TOX: variants seen among roughly 807,000 people sequenced by gnomAD.
The protein encoded by TOX is thymocyte selection associated high mobility group box.
A neutral mutation model predicts 53.7 loss-of-function variants in TOX; 11 were observed. That is an observed-to-expected ratio of 0.20 (90% CI 0.13 to 0.34). The LOEUF is 0.34. Ranked by LOEUF, TOX falls within the 10% of genes least tolerant of loss-of-function variation. TOX has a pLI of 1.00. For synonymous variants in TOX, 225 were observed against 245.3 expected, an observed-to-expected ratio of 0.92 and a Z score of 0.77; for missense variants, 570 against 664.6, an observed-to-expected ratio of 0.86 and a Z score of 1.56.
At chr8:58,956,238 A>C (rs946813126) in intron 2 of TOX, among the ~76,000 whole-genome samples, 2 of 152,216 alleles carry the variant, frequency 1.3e-5, no homozygotes, top group Non-Finnish European at 2.9e-5. Context: ...GGACTATGAA[A>C]GGTACTACAA....
chr8:58,990,543 G>A (rs1349295782), intron 1 of TOX, among the ~76,000 whole-genome samples: 1 of 151,968 alleles, frequency 6.6e-6, no homozygotes, highest in Non-Finnish European at 1.5e-5. Context: ...TCCCAACAAG[G>A]TTTCCTCTAC....
intron 1 of TOX, among the ~76,000 whole-genome samples, chr8:59,045,839 A>G (rs1042394516): frequency 1.3e-5 from 2 of 152,218 alleles, no homozygotes; most frequent in Non-Finnish European, 2.9e-5. Flanking sequence ...AGTACCTGTG[A>G]TTATCATGGA....
At chr8:58,994,441 T>A (rs1585949433) in intron 1 of TOX, among the ~76,000 whole-genome samples, 1 of 144,908 alleles carries the variant, frequency 6.9e-6, no homozygotes, top group African/African-American at 2.5e-5. Context: ...TGTGTGTGTA[T>A]TTTTTTTTTT....
intron 1 of TOX, among the ~76,000 whole-genome samples, chr8:58,986,911 T>C (rs1354647709): frequency 6.6e-6 from 1 of 152,246 alleles, no homozygotes; most frequent in South Asian, 2.1e-4. Flanking sequence ...GCTTCTGTCC[T>C]GTCTCATCCT....
At chr8:59,001,510 G>A (rs1404392945) in intron 1 of TOX, among the ~76,000 whole-genome samples, 5 of 152,152 alleles carry the variant, frequency 3.3e-5, no homozygotes, top group Admixed American at 2.6e-4. Flanking sequence ...TGAGAAGACT[G>A]AGGATAATTG....
At chr8:58,910,781 G>T (rs1191417890) in intron 3 of TOX, among the ~76,000 whole-genome samples, 1 of 152,106 alleles carries the variant, frequency 6.6e-6, no homozygotes, top group Non-Finnish European at 1.5e-5. Flanking sequence ...AGACTTATTT[G>T]TATTCCTCTA....
intron 1 of TOX, among the ~76,000 whole-genome samples, chr8:59,064,550 T>G (rs138197188): frequency 2.6e-5 from 4 of 152,246 alleles, no homozygotes; most frequent in Admixed American, 6.5e-5. Context: ...TCTAGAAATC[T>G]ATTAATGTAG....
intron 1 of TOX, among the ~76,000 whole-genome samples, chr8:59,010,864 A>G (rs191926631): frequency 6.6e-6 from 1 of 152,318 alleles, no homozygotes; most frequent in African/African-American, 2.4e-5. Context: ...ATCATTATGT[A>G]TGTCACCTCC....
At position 59,080,342 on chromosome 8, in the gene TOX, G is replaced by GC. The variant is rs544706715; in HGVS notation, c.102+38543dup. 2.4e-3 allele frequency among the ~76,000 whole-genome samples: 360 copies of GC among 152,082 alleles called. 1 individual carries two copies. The highest frequency in any genetic ancestry group is 8.0e-3 in the African/African-American group (332 of 41,480). On this transcript the variant is annotated intron_variant, in intron 1 of 8. Transcript: ENST00000361421. ...ATGGGAATATTTACCCAATGTCTGT[G>GC]CCCCATTGTGTCTTGGAAGTAACTA...
chr8:58,922,884 A>G (rs1812095719), intron 3 of TOX, among the ~76,000 whole-genome samples: 1 of 152,186 alleles, frequency 6.6e-6, no homozygotes, highest in South Asian at 2.1e-4. Context: ...TTACGGCTAG[A>G]GTTTCCGAGC....
intron 1 of TOX, among the ~76,000 whole-genome samples, chr8:59,100,083 T>C (rs181394647): frequency 7.9e-5 from 12 of 152,078 alleles, no homozygotes; most frequent in South Asian, 2.1e-4. Flanking sequence ...AGCTTCTGAG[T>C]GAATTATTTG....
chr8:59,071,946 T>G (rs1480915756), intron 1 of TOX, among the ~76,000 whole-genome samples: 1 of 152,228 alleles, frequency 6.6e-6, no homozygotes, highest in Non-Finnish European at 1.5e-5. Flanking sequence ...AATATTCTCA[T>G]AATTTTATCA....
chr8:59,088,075 TA>T (rs1032131712), intron 1 of TOX, among the ~76,000 whole-genome samples: 32 of 152,128 alleles, frequency 2.1e-4, no homozygotes, highest in Non-Finnish European at 4.6e-4. Context: ...TTTATTATAT[TA>T]AAAAAACACA....
chr8:58,998,403 C>T (rs1336026603), intron 1 of TOX, among the ~76,000 whole-genome samples: 1 of 148,576 alleles, frequency 6.7e-6, no homozygotes, highest in African/African-American at 2.5e-5. Context: ...ACAGGAAAAT[C>T]GCTTGCAACC....
intron 7 of TOX, among the ~76,000 whole-genome samples, chr8:58,812,520 C>T (rs1411570283): frequency 6.6e-6 from 1 of 152,202 alleles, no homozygotes; most frequent in East Asian, 1.9e-4. Context: ...GCTTCCTCTT[C>T]TCATCCTTCA....
chr8:59,036,625 A>G (rs1814463763), intron 1 of TOX, among the ~76,000 whole-genome samples: 1 of 152,220 alleles, frequency 6.6e-6, no homozygotes, highest in South Asian at 2.1e-4. Context: ...TGAAAATACC[A>G]TCAATCAATC....
intron 1 of TOX, among the ~76,000 whole-genome samples, chr8:58,996,751 A>C (rs1026713181): frequency 1.3e-5 from 2 of 152,202 alleles, no homozygotes; most frequent in African/African-American, 4.8e-5. Context: ...CCATTAGAAA[A>C]CTATTCTTCA....
intron 6 of TOX, among the ~76,000 whole-genome samples, chr8:58,822,329 C>A (rs1222153893): frequency 1.3e-5 from 2 of 152,220 alleles, no homozygotes; most frequent in Non-Finnish European, 2.9e-5. Flanking sequence ...TACCTTCTAA[C>A]TTTCGGCCTT....
At position 58,895,014 on chromosome 8, in the gene TOX, C is replaced by G. The variant is rs890454524; in HGVS notation, c.412-43209G>C. 5.9e-5 allele frequency among the ~76,000 whole-genome samples: 9 copies of G among 152,036 alleles called. 1 individual carries two copies. The highest frequency in any genetic ancestry group is 5.9e-4 in the Admixed American group (9 of 15,258). ...ACCAGCCTGGCCAATATGGGGAAAC[C>G]GTGTCTCTACTAAAAATACAAAAAT... On this transcript the variant is annotated intron_variant, in intron 3 of 8. Transcript: ENST00000361421.
Sources: allele counts gnomAD v4.1 joint callset (sites outside exome capture counted in the v4.1 genomes callset), GRCh38; gene constraint gnomAD v4.1.1; transcripts MANE v1.5; gene names NCBI Gene and HGNC (gene_info 2026-07-23, HGNC 2026-07-21).